IBTK: variants seen among roughly 807,000 people sequenced by gnomAD.
The protein encoded by IBTK is inhibitor of Bruton tyrosine kinase, also known as BTK-binding protein.
IBTK carries 83 observed loss-of-function variants against 154.9 expected under a neutral mutation model. That is an observed-to-expected ratio of 0.54 (90% CI 0.45 to 0.64). The LOEUF (loss-of-function observed/expected upper bound fraction) is 0.64. Ranked by LOEUF, IBTK falls within the 30% of genes least tolerant of loss-of-function variation. IBTK has a pLI of 0.00. For synonymous variants in IBTK, 515 were observed against 536.1 expected, an observed-to-expected ratio of 0.96 and a Z score of 0.54; for missense variants, 1,332 against 1,584.6, an observed-to-expected ratio of 0.84 and a Z score of 2.71.
intron 2 of IBTK, among the ~76,000 whole-genome samples, chr6:82,238,500 C>T (rs928419275): frequency 2.0e-5 from 3 of 151,824 alleles, no homozygotes; most frequent in Admixed American, 1.3e-4. Flanking sequence ...TACAATGGTG[C>T]GATCTCAGCT....
intron 26 of IBTK, among the ~76,000 whole-genome samples, chr6:82,176,435 C>A (rs1026323739): frequency 6.7e-6 from 1 of 150,080 alleles, no homozygotes; most frequent in African/African-American, 2.5e-5. Context: ...GCTAGAGAAT[C>A]ACTTGAACCT....
chr6:82,201,243 T>C (rs1769198311), intron 19 of IBTK, among the ~76,000 whole-genome samples, 179 bp downstream of exon 19: 2 of 152,086 alleles, frequency 1.3e-5, no homozygotes, highest in African/African-American at 4.8e-5. Context: ...ATTAAGTATC[T>C]TGAATTCTGA....
Position 82,210,836 on chromosome 6 carries a change from A to G in IBTK, c.2487T>C (p.Thr829=), listed in dbSNP as rs1165003111. The change falls in exon 16 of 29, where the codon ACT becomes ACC. Residue 829 remains threonine, a synonymous_variant. Coordinates refer to ENST00000306270, the MANE Select transcript of IBTK (RefSeq NM_015525.4). ...ILKVILDYLY[T]DEAVVIKESQ... ...TACCTTTTATCACCACAGCTTCATC[A>G]GTATAGAGGTAGTCCAAAATAACTT... is the stretch of plus-strand genomic sequence containing the variant. 6.6e-7 allele frequency: 1 copy of G among 1,522,258 alleles called. No homozygotes were observed. Among genetic ancestry groups the G allele is most frequent in the Non-Finnish European group, 8.9e-7 (1 of 1,125,510 alleles). 94.3% of individuals were successfully genotyped at this position (1,522,258 alleles called of 1,614,324 possible).
At chr6:82,203,729 A>G (rs1481991090) in intron 17 of IBTK, among the ~76,000 whole-genome samples, 1 of 152,152 alleles carries the variant, frequency 6.6e-6, no homozygotes. Flanking sequence ...CTGAGGAAGA[A>G]GACCAGCAAA....
chr6:82,230,984 A>G (rs1770481190), intron 4 of IBTK, among the ~76,000 whole-genome samples: 1 of 152,180 alleles, frequency 6.6e-6, no homozygotes, highest in Non-Finnish European at 1.5e-5. Flanking sequence ...TGAACCCCAC[A>G]CTTCCAAAAC....
In IBTK at chr6:82,235,437, T is replaced by A. The variant is rs374106723; in HGVS notation, c.322-1182A>T. On this transcript the variant is annotated intron_variant, in intron 2 of 28. Coordinates refer to ENST00000306270, the MANE Select transcript of IBTK (RefSeq NM_015525.4). ...GCTGAAACCCCATCTGTAGTAAAAA[T>A]ACAAAAATTAGTCAGGTGTGGTGGT... Among the ~76,000 whole-genome samples the A allele has an allele frequency of 1.3e-4, 20 of 151,900 alleles. No individual in the cohort carries two copies. In the East Asian group the frequency reaches 3.7e-3, roughly 28 times the overall value.
chr6:82,180,191 C>G (rs1039381698), intron 26 of IBTK, among the ~76,000 whole-genome samples: 1 of 152,006 alleles, frequency 6.6e-6, no homozygotes, highest in African/African-American at 2.4e-5. Flanking sequence ...TATAAATATG[C>G]AAAAAGGCTT....
chr6:82,191,706 TA>T, intron 24 of IBTK, 80 bp downstream of exon 24: 1 of 877,192 alleles, frequency 1.1e-6, no homozygotes, highest in Non-Finnish European at 1.9e-6. Flanking sequence ...AGAAAAATAA[TA>T]AGAAAGATGC....
At chr6:82,199,308 C>T (rs1013526169) in intron 21 of IBTK, among the ~76,000 whole-genome samples, 5 of 151,836 alleles carry the variant, frequency 3.3e-5, no homozygotes, top group African/African-American at 1.2e-4. Context: ...AAAGAGTCTG[C>T]AAGAAAATGC....
chr6:82,200,685 G>T lies in IBTK; in HGVS notation c.2814C>A (p.Val938=). 1 of 1,580,816 alleles carries T rather than the reference G, an allele frequency of 6.3e-7. No individual in the cohort carries two copies. Among genetic ancestry groups the T allele is most frequent in the South Asian group, 1.2e-5 (1 of 85,970 alleles). ...RKMIPAMDRR[V]ITPYQDGPDI... ...CTGGTCCATCTTGATATGGTGTAATGACTCTTCTATCCATTGCTGGAATCT... is the reference window on the plus strand; with the variant it reads ...CTGGTCCATCTTGATATGGTGTAATTACTCTTCTATCCATTGCTGGAATCT... Residue 938 remains valine (V), a synonymous_variant, in exon 20 of 29, where the codon GTC becomes GTA. Transcript: ENST00000306270.
intron 25 of IBTK, among the ~76,000 whole-genome samples, chr6:82,186,658 T>C (rs1443990874): frequency 6.6e-6 from 1 of 152,106 alleles, no homozygotes; most frequent in Non-Finnish European, 1.5e-5. Context: ...AGAGCATAAA[T>C]TACTAATTGT....
intron 4 of IBTK, among the ~76,000 whole-genome samples, chr6:82,228,759 C>T (rs1455155429): frequency 6.6e-6 from 1 of 151,848 alleles, no homozygotes; most frequent in African/African-American, 2.4e-5. Context: ...GTAGCTGGGA[C>T]TACAGGTGCC....
At chr6:82,185,043 C>G (rs971762409) in intron 25 of IBTK, among the ~76,000 whole-genome samples, 1 of 151,670 alleles carries the variant, frequency 6.6e-6, no homozygotes, top group African/African-American at 2.4e-5. Flanking sequence ...ATTAGCCAGG[C>G]ATAGTGGTGT....
chr6:82,245,252 A>T (rs1240281382), intron 1 of IBTK, among the ~76,000 whole-genome samples: 1 of 152,152 alleles, frequency 6.6e-6, no homozygotes, highest in Non-Finnish European at 1.5e-5. Context: ...ACTATGTATA[A>T]ACTAAGACTT....
chr6:82,233,087 G>A (rs1239397274), intron 3 of IBTK, among the ~76,000 whole-genome samples: 2 of 151,618 alleles, frequency 1.3e-5, no homozygotes, highest in Admixed American at 1.3e-4. Flanking sequence ...AACCCGGGAG[G>A]CGGAGGTTGC....
At chr6:82,237,986 G>A (rs183778059) in intron 2 of IBTK, among the ~76,000 whole-genome samples, 15 of 152,178 alleles carry the variant, frequency 9.9e-5, no homozygotes, top group Non-Finnish European at 1.5e-4. Flanking sequence ...GCTCACACCT[G>A]TAATCCCTGC....
At chr6:82,200,045 A>G in intron 21 of IBTK, 96 bp downstream of exon 21, 9 of 798,166 alleles carry the variant, frequency 1.1e-5, no homozygotes, top group East Asian at 2.5e-5. Flanking sequence ...TGGTACCTCC[A>G]TAAGGACTGT....
At chr6:82,243,034 G>A (rs187758851) in intron 1 of IBTK, among the ~76,000 whole-genome samples, 2 of 152,078 alleles carry the variant, frequency 1.3e-5, no homozygotes, top group South Asian at 2.1e-4. Context: ...GAGGTCAGGA[G>A]ATCAAGACCA....
chr6:82,222,511 G>A (rs1770136073), intron 8 of IBTK, among the ~76,000 whole-genome samples: 1 of 152,054 alleles, frequency 6.6e-6, no homozygotes, highest in African/African-American at 2.4e-5. Flanking sequence ...TAACATATTA[G>A]TCTGAAACCT....
Sources: gnomAD v4.1 joint callset for allele counts (sites outside exome capture counted in the v4.1 genomes callset) on GRCh38, gnomAD v4.1.1 for gene constraint, MANE v1.5 for transcripts, NCBI Gene and HGNC (gene_info 2026-07-23, HGNC 2026-07-21) for gene names.